Variants in BACH2 observed in about 807,000 individuals in gnomAD.
BACH2 encodes the protein BACH transcriptional regulator 2.
BACH2 carries 5 observed loss-of-function variants against 61.8 expected under a neutral mutation model. The ratio of observed to expected loss-of-function variants is 0.08; its 90% CI spans 0.04 to 0.17. The LOEUF (loss-of-function observed/expected upper bound fraction) is 0.17. Ranked by LOEUF, BACH2 falls within the 10% of genes least tolerant of loss-of-function variation. BACH2 has a pLI of 1.00. For synonymous variants in BACH2, 446 were observed against 440.1 expected (o/e 1.01, Z -0.17); for missense variants, 824 against 1,091.1 (o/e 0.76, Z 3.45).
intron 3 of BACH2, among the ~76,000 whole-genome samples, chr6:90,211,383 G>A (rs1769343708): frequency 1.3e-5 from 2 of 152,030 alleles, no homozygotes; most frequent in Admixed American, 1.3e-4. Context: ...ATACTCTGAT[G>A]TCTTGGGTGT....
rs370627901 is a variant in BACH2 at position 89,970,308 on chromosome 6, GCTTTGATGATCTTTCCACCTCCTGA to G, written c.244-18471_244-18447del. ...CCCCGAAGTGAAGCGCCGCCGACAG[GCTTTGATGATCTTTCCACCTCCTGA>G]CTCTTGGCGGGCAGAGCATACAGTC... On this transcript the variant is annotated intron_variant, in intron 6 of 8. Transcript: ENST00000257749. 5.8e-3 allele frequency among the ~76,000 whole-genome samples: 883 copies of G among 152,332 alleles called. 6 individuals carry two copies. The highest frequency in any genetic ancestry group is 8.5e-3 in the Non-Finnish European group (575 of 68,038).
intron 2 of BACH2, among the ~76,000 whole-genome samples, chr6:90,271,377 A>G (rs958512353): frequency 4.0e-5 from 6 of 149,912 alleles, no homozygotes; most frequent in Middle Eastern, 3.2e-3. Context: ...AAAAAAAAAA[A>G]AAAAAGAAAA....
chr6:90,030,411 C>G (rs1778905213), intron 5 of BACH2, among the ~76,000 whole-genome samples: 1 of 151,900 alleles, frequency 6.6e-6, no homozygotes, highest in Non-Finnish European at 1.5e-5. Flanking sequence ...GAAAATCAGA[C>G]CAGCAGGGTT....
At chr6:89,984,912 C>T (rs888411780) in intron 6 of BACH2, among the ~76,000 whole-genome samples, 7 of 152,156 alleles carry the variant, frequency 4.6e-5, no homozygotes, top group Non-Finnish European at 1.0e-4. Context: ...GAAAAAAATT[C>T]TCCATATACC....
intron 5 of BACH2, among the ~76,000 whole-genome samples, chr6:90,058,323 C>A (rs997696476): frequency 1.3e-5 from 2 of 152,222 alleles, no homozygotes; most frequent in Admixed American, 1.3e-4. Context: ...TTCTTATACA[C>A]CAATAACAGA....
At chr6:90,296,074 GC>G (rs1009818377) in intron 1 of BACH2, among the ~76,000 whole-genome samples, 28 of 152,002 alleles carry the variant, frequency 1.8e-4, no homozygotes, top group African/African-American at 6.5e-4. Context: ...GGGCAGGGCC[GC>G]GGGTCTGACA....
Position 89,951,710 on chromosome 6 carries a change from C to A in BACH2, c.396G>T (p.Gln132His). 6.2e-7 allele frequency: 1 copy of A among 1,614,252 alleles called. No individual in the cohort carries two copies. The highest frequency in any genetic ancestry group is 8.5e-7 in the Non-Finnish European group (1 of 1,180,058). The part of the protein sequence containing the change: ...EDSCFSFLQT[Q>H]LLNSEDGLFV... ...ACAGGCCATCCTCACTGTTCAGGAGCTGGGTCTGCAGGAAGCTGAAGCAGG... is the reference window on the plus strand; with the variant it reads ...ACAGGCCATCCTCACTGTTCAGGAGATGGGTCTGCAGGAAGCTGAAGCAGG... The change falls in exon 7 of 9, where the codon CAG (glutamine) becomes CAT (histidine). Residue 132 changes from glutamine (Q) to histidine (H), a missense_variant. Coordinates refer to ENST00000257749, the MANE Select transcript of BACH2 (RefSeq NM_021813.4). The surrounding 1 kb of genome is among the most constrained non-coding windows in gnomAD (Gnocchi z 6.4).
chr6:89,964,062 G>A (rs188575664), intron 6 of BACH2, among the ~76,000 whole-genome samples: 1 of 152,154 alleles, frequency 6.6e-6, no homozygotes, highest in Admixed American at 6.5e-5. Context: ...GTTGTGGGGT[G>A]GGAGGAGTGG....
intron 4 of BACH2, among the ~76,000 whole-genome samples, chr6:90,132,071 A>G (rs1784097536): frequency 6.6e-6 from 1 of 152,204 alleles, no homozygotes; most frequent in Non-Finnish European, 1.5e-5. Context: ...AAGTAAATGA[A>G]AACACACACT....
intron 1 of BACH2, among the ~76,000 whole-genome samples, chr6:90,274,303 A>AT (rs1265868707): frequency 6.6e-6 from 1 of 152,216 alleles, no homozygotes. Flanking sequence ...TTTAAGATTC[A>AT]TTTTTACAAA....
chr6:90,005,458 G>A (rs1777358144), intron 6 of BACH2, among the ~76,000 whole-genome samples: 1 of 152,226 alleles, frequency 6.6e-6, no homozygotes, highest in Non-Finnish European at 1.5e-5. Context: ...ATGCCGATTA[G>A]TTCCAGAAAG....
chr6:89,969,156 C>T (rs1293706131), intron 6 of BACH2, among the ~76,000 whole-genome samples: 4 of 147,126 alleles, frequency 2.7e-5, no homozygotes, highest in South Asian at 2.2e-4. Flanking sequence ...TGGGTTCAAG[C>T]GATTCTCCTG....
At chr6:90,146,774 A>G (rs1784633824) in intron 4 of BACH2, among the ~76,000 whole-genome samples, 2 of 152,232 alleles carry the variant, frequency 1.3e-5, no homozygotes, top group Non-Finnish European at 2.9e-5. Context: ...AAGATAGGAT[A>G]ATGTTAAATT....
intron 4 of BACH2, among the ~76,000 whole-genome samples, chr6:90,096,405 C>T (rs1431862119): frequency 2.6e-5 from 4 of 152,162 alleles, no homozygotes; most frequent in Admixed American, 1.3e-4. Context: ...CTAGGCATTG[C>T]CCTGCTTGTT....
chr6:90,219,481 T>G, intron 3 of BACH2, among the ~76,000 whole-genome samples: 1 of 152,128 alleles, frequency 6.6e-6, no homozygotes, highest in East Asian at 1.9e-4. Flanking sequence ...TCCCCTTTCC[T>G]CCTCCCAGCT....
chr6:90,149,628 G>T (rs2127829448), intron 4 of BACH2, among the ~76,000 whole-genome samples: 1 of 152,290 alleles, frequency 6.6e-6, no homozygotes, highest in African/African-American at 2.4e-5. Context: ...TCATGGAACT[G>T]GAAAGGCCAG....
At chr6:89,961,519 T>C (rs1774743801) in intron 6 of BACH2, among the ~76,000 whole-genome samples, 1 of 152,220 alleles carries the variant, frequency 6.6e-6, no homozygotes, top group Non-Finnish European at 1.5e-5. Flanking sequence ...GGCGAGAATT[T>C]CTTGACTCAA....
intron 5 of BACH2, among the ~76,000 whole-genome samples, chr6:90,029,794 G>A (rs530070973): frequency 6.6e-6 from 1 of 152,212 alleles, no homozygotes; most frequent in African/African-American, 2.4e-5. Context: ...TGTCTTTTCT[G>A]GGCCTCAAGG....
intron 6 of BACH2, among the ~76,000 whole-genome samples, chr6:89,969,255 C>T (rs538691670): frequency 2.6e-5 from 4 of 151,990 alleles, no homozygotes; most frequent in African/African-American, 9.6e-5. Context: ...GGGGTTTCTC[C>T]ATGTTGGTCA....
Sources: allele counts gnomAD v4.1 joint callset (sites outside exome capture counted in the v4.1 genomes callset), GRCh38; gene constraint gnomAD v4.1.1; non-coding constraint Gnocchi (gnomAD v3.1); transcripts MANE v1.5; gene names NCBI Gene and HGNC (gene_info 2026-07-23, HGNC 2026-07-21).